NIM1K: variants seen among roughly 807,000 people sequenced by gnomAD.
The protein encoded by NIM1K is serine/threonine-protein kinase NIM1.
Under a neutral mutation model 37.1 loss-of-function variants are expected in NIM1K, and 35 were observed. The observed-to-expected ratio is 0.94, with a 90% CI of 0.72 to 1.25. The LOEUF (loss-of-function observed/expected upper bound fraction) is 1.25. Ranked by LOEUF, NIM1K falls within the 50% of genes most tolerant of loss-of-function variation. The pLI is 0.00. For missense variants in NIM1K, 564 were observed against 548.0 expected (o/e 1.03, Z -0.29); for synonymous variants, 234 against 206.6 (o/e 1.13, Z -1.14).
intron 1 of NIM1K, among the ~76,000 whole-genome samples, chr5:43,200,922 A>C (rs1393418836): frequency 6.6e-6 from 1 of 151,644 alleles, no homozygotes; most frequent in Non-Finnish European, 1.5e-5. Flanking sequence ...TCAGGAGTTC[A>C]AGACCAGCCT....
intron 1 of NIM1K, chr5:43,207,004 T>G: frequency 1.3e-6 from 1 of 752,058 alleles, no homozygotes; most frequent in Non-Finnish European, 2.5e-6. Flanking sequence ...AGGACAGTAC[T>G]GGGCGGGTAA....
At chr5:43,249,858 T>TTA (rs1554015717) in intron 2 of NIM1K, among the ~76,000 whole-genome samples, 1 of 147,668 alleles carries the variant, frequency 6.8e-6, no homozygotes, top group African/African-American at 2.5e-5. Flanking sequence ...TAGTTTTTTT[T>TTA]TTTTTTTTTT....
chr5:43,276,926 C>T (rs1753350134), intron 2 of NIM1K, 131 bp from the exon 3 acceptor site: 3 of 876,952 alleles, frequency 3.4e-6, no homozygotes, highest in East Asian at 2.4e-5. Context: ...TTTGTCATTC[C>T]CTGATGAGCT....
Position 43,280,815 on chromosome 5 carries a change from T to C in NIM1K, c.*86T>C. On this transcript the variant is annotated 3_prime_UTR_variant, in exon 4 of 4. Transcript: ENST00000326035. ...AGGACAACTTGAGTGGAGACATTTT[T>C]GTAATTTTTAAATAAACTTAAATTT... 1 of 1,293,228 alleles carries C rather than the reference T, an allele frequency of 7.7e-7. No individual in the cohort carries two copies. The highest frequency in any genetic ancestry group is 1.0e-6 in the Non-Finnish European group (1 of 956,760). 80.1% of individuals were successfully genotyped at this position (1,293,228 alleles called of 1,614,324 possible).
intron 2 of NIM1K, among the ~76,000 whole-genome samples, chr5:43,260,783 CG>C (rs1311348849): frequency 6.6e-6 from 1 of 152,054 alleles, no homozygotes; most frequent in Admixed American, 6.6e-5. Context: ...ACGACAGGCC[CG>C]GATGTGTGAT....
rs767682166 is a variant in NIM1K at position 43,277,168 on chromosome 5, G to A, written c.404G>A (p.Arg135His). The change falls in exon 3 of 4, where the codon CGC (arginine) becomes CAC (histidine). Residue 135 changes from arginine to histidine, a missense_variant. By Grantham distance (29) the Arg-to-His change is conservative (BLOSUM62 0). Coordinates refer to ENST00000326035, the MANE Select transcript of NIM1K (RefSeq NM_153361.4). ...AAGCTGCACCATCCCAACATCATCC[G>A]CCTTTACGAAGTGGTGGAGACCCTA... ...MEKLHHPNIIRLYEVVETLSK... is the reference protein window; with the variant it reads ...MEKLHHPNIIHLYEVVETLSK... 2.5e-5 allele frequency: 40 copies of A among 1,614,042 alleles called. No homozygotes were observed. Among genetic ancestry groups the A allele is most frequent in the Admixed American group, 1.3e-4 (8 of 60,010 alleles).
In NIM1K at chr5:43,272,361, C is replaced by T. The variant is rs554251176; in HGVS notation, c.293-4696C>T. On this transcript the variant is annotated intron_variant, in intron 2 of 3. Transcript: ENST00000326035. ...ATCCCCCTGTTTTATGCTCCTAATG[C>T]TCCTGGCACTTTTCCCCCTAAGCCC... 1.9e-3 allele frequency among the ~76,000 whole-genome samples: 287 copies of T among 152,192 alleles called. 1 individual carries two copies. The highest frequency in any genetic ancestry group is 6.6e-3 in the African/African-American group (274 of 41,502).
chr5:43,194,541 G>A (rs1751882354), intron 1 of NIM1K, among the ~76,000 whole-genome samples: 2 of 152,148 alleles, frequency 1.3e-5, no homozygotes, highest in African/African-American at 2.4e-5. Context: ...ACTACAGATA[G>A]GTTATAGAGC....
At chr5:43,251,064 T>C (rs1478879402) in intron 2 of NIM1K, among the ~76,000 whole-genome samples, 1 of 152,192 alleles carries the variant, frequency 6.6e-6, no homozygotes, top group Admixed American at 6.5e-5. Flanking sequence ...GTGAAGTACA[T>C]GACATATAGT....
At chr5:43,267,018 G>T (rs1259820572) in intron 2 of NIM1K, among the ~76,000 whole-genome samples, 2 of 152,142 alleles carry the variant, frequency 1.3e-5, no homozygotes, top group African/African-American at 2.4e-5. Flanking sequence ...AATCTCAATA[G>T]TATTGCTTCC....
intron 1 of NIM1K, among the ~76,000 whole-genome samples, chr5:43,210,119 C>G (rs556663675): frequency 4.0e-5 from 6 of 149,442 alleles, no homozygotes; most frequent in African/African-American, 1.5e-4. Flanking sequence ...AGAGGAAAAG[C>G]TGAATTCCGC....
At chr5:43,214,815 AAAAAAAAAAAAAAAAAC>A (rs1345329087) in intron 1 of NIM1K, among the ~76,000 whole-genome samples, 1 of 138,626 alleles carries the variant, frequency 7.2e-6, no homozygotes, top group East Asian at 2.1e-4. Flanking sequence ...CTCCGTCTCA[AAAAAAAAAAAAAAAAAC>A]AAAAAAGAAA....
At chr5:43,264,051 A>T (rs1344502087) in intron 2 of NIM1K, among the ~76,000 whole-genome samples, 2 of 152,192 alleles carry the variant, frequency 1.3e-5, no homozygotes, top group Non-Finnish European at 2.9e-5. Flanking sequence ...CTATGTAGTC[A>T]ATTTTGGAAT....
chr5:43,239,213 T>C (rs763922921), intron 1 of NIM1K, among the ~76,000 whole-genome samples: 1 of 152,052 alleles, frequency 6.6e-6, no homozygotes, highest in Non-Finnish European at 1.5e-5. Context: ...GACATTTCTC[T>C]GCTGCTATCT....
intron 1 of NIM1K, chr5:43,232,970 C>T: frequency 2.6e-6 from 3 of 1,137,632 alleles, no homozygotes; most frequent in Non-Finnish European, 4.0e-6. Flanking sequence ...GGTTTCAGGT[C>T]TAGAAACACT....
At chr5:43,273,154 C>T (rs1402297570) in intron 2 of NIM1K, among the ~76,000 whole-genome samples, 1 of 152,102 alleles carries the variant, frequency 6.6e-6, no homozygotes, top group Admixed American at 6.6e-5. Context: ...CCACTTGCTC[C>T]CAGGCTTGCT....
At position 43,229,547 on chromosome 5, in the gene NIM1K, T is replaced by G. The variant is rs201027263; in HGVS notation, c.-694-15535T>G. Among the ~76,000 whole-genome samples, 4 of 152,176 alleles carry G rather than the reference T, an allele frequency of 2.6e-5. No individual in the cohort carries two copies. In the East Asian group the frequency reaches 7.7e-4, roughly 29 times the overall value. ...AACCTTTATAGGCTATACAGATAGA[T>G]GTAGACAAGACAGATAAAATCTGTC... On this transcript the variant is annotated intron_variant, in intron 1 of 3. Coordinates refer to ENST00000326035, the MANE Select transcript of NIM1K (RefSeq NM_153361.4).
At chr5:43,243,331 G>C (rs1397408452) in intron 1 of NIM1K, among the ~76,000 whole-genome samples, 1 of 152,080 alleles carries the variant, frequency 6.6e-6, no homozygotes, top group Non-Finnish European at 1.5e-5. Flanking sequence ...TAAGCTGCAT[G>C]GTGTTTTTCT....
At chr5:43,199,591 C>T (rs930966245) in intron 1 of NIM1K, among the ~76,000 whole-genome samples, 1 of 152,172 alleles carries the variant, frequency 6.6e-6, no homozygotes, top group Non-Finnish European at 1.5e-5. Flanking sequence ...GCTGCTCCAG[C>T]TGCAACTATC....
Sources: allele counts gnomAD v4.1 joint callset (sites outside exome capture counted in the v4.1 genomes callset), GRCh38; gene constraint gnomAD v4.1.1; transcripts MANE v1.5; gene names NCBI Gene and HGNC (gene_info 2026-07-23, HGNC 2026-07-21).